TG: variants seen among roughly 807,000 people sequenced by gnomAD.
TG encodes thyroglobulin.
TG carries 270 observed loss-of-function variants against 324.7 expected under a neutral mutation model. That is an observed-to-expected ratio of 0.83 (90% confidence interval 0.75 to 0.92). The LOEUF is 0.92. TG is among the 40% of genes least tolerant of loss of function. The pLI is 0.00. For missense variants in TG, 3,591 were observed against 3,456.4 expected (o/e 1.04, Z -0.98); for synonymous variants, 1,401 against 1,327.0 (o/e 1.06, Z -1.21).
chr8:133,061,592 A>T lies in TG; in HGVS notation c.7239+31569A>T, dbSNP rs189594063. Among the ~76,000 whole-genome samples the T allele has an allele frequency of 1.7e-3, 253 of 152,348 alleles. 3 individuals are homozygous for T. The Middle Eastern group carries it at 0.017, about 10-fold the overall frequency. ...GTGGAAGCACAGAGAGGAAGGCCAC[A>T]TTCATAAATAGAGCTCTGCCTGCTT... On this transcript the variant is annotated intron_variant, in intron 41 of 47. Coordinates refer to ENST00000220616, the MANE Select transcript of TG (RefSeq NM_003235.5).
chr8:133,040,206 T>C, intron 41 of TG: 1 of 1,476,176 alleles, frequency 6.8e-7, no homozygotes, highest in South Asian at 1.2e-5. Context: ...CCTGAGACAC[T>C]CTCCAGTGCA....
chr8:132,997,884 A>G (rs887660315), intron 35 of TG, among the ~76,000 whole-genome samples: 1 of 152,196 alleles, frequency 6.6e-6, no homozygotes, highest in African/African-American at 2.4e-5. Flanking sequence ...AATTTTGCCT[A>G]TATTTTTTAG....
chr8:132,895,158 G>A (rs72727408), intron 11 of TG, among the ~76,000 whole-genome samples: 11,098 of 152,326 alleles, frequency 0.073, 505 homozygotes, highest in Non-Finnish European at 0.1. Flanking sequence ...ACTTGACAAG[G>A]ACAAATGATT....
At chr8:133,059,998 A>G in intron 41 of TG, 3 of 1,196,250 alleles carry the variant, frequency 2.5e-6, no homozygotes, top group South Asian at 3.3e-5. Flanking sequence ...TTCGGTACCC[A>G]TTGCCCCATT....
rs1364178083 is a variant in TG, at chr8:132,901,400, G to T, written c.3481G>T (p.Val1161Phe). 1 of 1,614,240 alleles carries T rather than the reference G, an allele frequency of 6.2e-7. No individual in the cohort carries two copies. Among genetic ancestry groups the T allele is most frequent in the East Asian group, 2.2e-5 (1 of 44,884 alleles). The change falls in exon 16 of 48, where the codon GTC (valine) becomes TTC (phenylalanine). Residue 1161 changes from valine to phenylalanine, a missense_variant. By Grantham distance (50) the Val-to-Phe change is conservative. Transcript: ENST00000220616. Reference sequence around the variant, plus strand: ...CAAGAGTGGAGTCCTCTCCAGGAGAGTCAGCCCAGGCTATGTCCCAGCCTG... The same window carrying T: ...CAAGAGTGGAGTCCTCTCCAGGAGATTCAGCCCAGGCTATGTCCCAGCCTG... ...VLKSGVLSRR[V>F]SPGYVPACRA... is the part of the protein sequence containing the mutation.
intron 25 of TG, among the ~76,000 whole-genome samples, chr8:132,937,026 G>A (rs1341660892): frequency 6.6e-6 from 1 of 152,152 alleles, no homozygotes; most frequent in African/African-American, 2.4e-5. Context: ...TTGGAATGAG[G>A]TGACACATGT....
intron 35 of TG, chr8:132,995,260 A>G (rs1832762758): frequency 1.0e-6 from 1 of 976,216 alleles, no homozygotes; most frequent in Middle Eastern, 5.2e-4. Context: ...GATTTGGGTA[A>G]AGTCCTATGT....
chr8:133,103,028 T>C (rs1849462139), intron 43 of TG: 1 of 176,538 alleles, frequency 5.7e-6, no homozygotes, highest in Non-Finnish European at 1.2e-5. Flanking sequence ...GTAAGAGGAG[T>C]ATGCAGGAGT....
intron 17 of TG, among the ~76,000 whole-genome samples, chr8:132,907,478 T>G (rs1587353523): frequency 6.6e-6 from 1 of 152,220 alleles, no homozygotes; most frequent in South Asian, 2.1e-4. Context: ...GAACCCACTC[T>G]GGGACCTGGC....
At chr8:132,989,953 T>C (rs1455702086) in intron 35 of TG, among the ~76,000 whole-genome samples, 1 of 151,870 alleles carries the variant, frequency 6.6e-6, no homozygotes, top group East Asian at 1.9e-4. Context: ...AGAATAATGG[T>C]GAAATATAAG....
chr8:133,014,423 G>A (rs1016832358), intron 37 of TG, among the ~76,000 whole-genome samples: 1 of 152,236 alleles, frequency 6.6e-6, no homozygotes, highest in Non-Finnish European at 1.5e-5. Flanking sequence ...TGTAGAACAG[G>A]AAACAGGGAC....
At chr8:133,087,693 T>A (rs545056584) in intron 41 of TG, 1 of 152,204 alleles carries the variant, frequency 6.6e-6, no homozygotes, top group Non-Finnish European at 1.5e-5. Context: ...AAAAAGCCAA[T>A]AGAACTCCTC....
At chr8:132,896,486 A>G (rs1408831784) in intron 11 of TG, among the ~76,000 whole-genome samples, 1 of 152,224 alleles carries the variant, frequency 6.6e-6, no homozygotes, top group Non-Finnish European at 1.5e-5. Context: ...TGGTGCTGCC[A>G]CAGATATTCC....
At chr8:132,976,147 T>C (rs1204270299) in intron 34 of TG, among the ~76,000 whole-genome samples, 1 of 152,166 alleles carries the variant, frequency 6.6e-6, no homozygotes, top group Non-Finnish European at 1.5e-5. Context: ...AAAGAAATTG[T>C]GCTTGGGAGG....
chr8:132,961,358 G>A (rs1432802915), intron 28 of TG, among the ~76,000 whole-genome samples: 1 of 152,190 alleles, frequency 6.6e-6, no homozygotes, highest in Non-Finnish European at 1.5e-5. Flanking sequence ...TTGTTCCTAG[G>A]AGGGGAGTTC....
chr8:133,116,417 G>T (rs1355228123), intron 44 of TG, among the ~76,000 whole-genome samples, 192 bp from the exon 45 acceptor site: 1 of 152,224 alleles, frequency 6.6e-6, no homozygotes, highest in Admixed American at 6.5e-5. Context: ...ACCATACCCT[G>T]GCTTTCCCAT....
intron 43 of TG, among the ~76,000 whole-genome samples, chr8:133,104,213 T>C (rs56834390): frequency 0.28 from 42,329 of 152,110 alleles, 6,123 homozygotes; most frequent in African/African-American, 0.31. Context: ...GTCAGAGGGA[T>C]GAAGAAGACC....
chr8:133,098,308 T>C (rs990502187), intron 43 of TG, among the ~76,000 whole-genome samples: 1 of 152,238 alleles, frequency 6.6e-6, no homozygotes, highest in Non-Finnish European at 1.5e-5. Context: ...CTTGTACTAA[T>C]ACCCTGAATT....
chr8:132,995,820 C>G (rs1832824116), intron 35 of TG, among the ~76,000 whole-genome samples: 1 of 152,180 alleles, frequency 6.6e-6, no homozygotes, highest in Non-Finnish European at 1.5e-5. Context: ...AGATCCAAGT[C>G]TGGTTTCGTG....
Sources: allele counts gnomAD v4.1 joint callset (sites outside exome capture counted in the v4.1 genomes callset), GRCh38; gene constraint gnomAD v4.1.1; transcripts MANE v1.5; gene names NCBI Gene and HGNC (gene_info 2026-07-23, HGNC 2026-07-21).